The following KIAA1958 variants were observed in gnomAD, a reference collection of about 807,000 sequenced individuals.
KIAA1958 encodes uncharacterized protein KIAA1958.
Under a neutral mutation model 47.2 loss-of-function variants are expected in KIAA1958, and 14 were observed. That is an observed-to-expected ratio of 0.30 (90% confidence interval 0.20 to 0.46). The LOEUF is 0.46. KIAA1958 is among the 20% of genes least tolerant of loss of function. KIAA1958 has a pLI of 1.00. For synonymous variants in KIAA1958, 354 were observed against 353.3 expected (o/e 1.00, Z -0.02); for missense variants, 803 against 909.2 (o/e 0.88, Z 1.50).
At chr9:112,501,606 G>A (rs1834140313) in intron 1 of KIAA1958, among the ~76,000 whole-genome samples, 1 of 152,144 alleles carries the variant, frequency 6.6e-6, no homozygotes, top group Non-Finnish European at 1.5e-5. Context: ...ATAAAGAGGA[G>A]CCAACACCTT....
At chr9:112,515,890 A>T (rs1256045408) in intron 1 of KIAA1958, among the ~76,000 whole-genome samples, 1 of 36,430 alleles carries the variant, frequency 2.7e-5, no homozygotes, top group Non-Finnish European at 5.3e-5. Flanking sequence ...ATAAAAAAAT[A>T]AATTAAAAAA....
chr9:112,584,089 G>A (rs1185637750), intron 2 of KIAA1958, among the ~76,000 whole-genome samples: 1 of 151,970 alleles, frequency 6.6e-6, no homozygotes, highest in Non-Finnish European at 1.5e-5. Flanking sequence ...TGAGTGATGG[G>A]AACATGAGTT....
intron 1 of KIAA1958, among the ~76,000 whole-genome samples, chr9:112,494,524 A>G (rs143291684): frequency 6.6e-6 from 1 of 151,424 alleles, no homozygotes; most frequent in African/African-American, 2.4e-5. Flanking sequence ...GCTGGAATGC[A>G]GTGGCACCAT....
intron 1 of KIAA1958, among the ~76,000 whole-genome samples, chr9:112,542,307 G>A (rs3849135): frequency 0.95 from 145,345 of 152,262 alleles, 69,443 homozygotes; most frequent in African/African-American, 0.99. Flanking sequence ...TAAACTTATG[G>A]AAATGTTCAT....
intron 1 of KIAA1958, among the ~76,000 whole-genome samples, chr9:112,537,522 T>A (rs1028051160): frequency 6.6e-6 from 1 of 152,224 alleles, no homozygotes; most frequent in African/African-American, 2.4e-5. Context: ...TCAAAAGATA[T>A]CTAATTGACC....
intron 2 of KIAA1958, among the ~76,000 whole-genome samples, chr9:112,599,668 C>G (rs1240910595): frequency 3.9e-5 from 6 of 152,162 alleles, no homozygotes; most frequent in Non-Finnish European, 8.8e-5. Context: ...ATGTAAATGT[C>G]ACATCTATAA....
intron 1 of KIAA1958, among the ~76,000 whole-genome samples, chr9:112,510,882 G>A (rs1173295113): frequency 1.3e-5 from 2 of 152,194 alleles, no homozygotes; most frequent in Admixed American, 1.3e-4. Flanking sequence ...GAAGCAAATT[G>A]TGTAACTATA....
At chr9:112,510,081 C>T (rs992827496) in intron 1 of KIAA1958, among the ~76,000 whole-genome samples, 1 of 152,118 alleles carries the variant, frequency 6.6e-6, no homozygotes, top group Non-Finnish European at 1.5e-5. Context: ...AAGATCTTTG[C>T]ACAAGATCCT....
chr9:112,535,811 A>T (rs1001757639), intron 1 of KIAA1958, among the ~76,000 whole-genome samples: 4 of 151,714 alleles, frequency 2.6e-5, no homozygotes, highest in Non-Finnish European at 5.9e-5. Context: ...AGTGGTTTTA[A>T]TTTGCACTTT....
chr9:112,506,954 C>T (rs1405554434), intron 1 of KIAA1958, among the ~76,000 whole-genome samples: 1 of 152,080 alleles, frequency 6.6e-6, no homozygotes, highest in Non-Finnish European at 1.5e-5. Flanking sequence ...GCTATTGTAG[C>T]AATTGTGGTA....
intron 2 of KIAA1958, among the ~76,000 whole-genome samples, chr9:112,606,404 T>A (rs1352314713): frequency 6.6e-6 from 1 of 152,230 alleles, no homozygotes; most frequent in Admixed American, 6.5e-5. Flanking sequence ...ATATTTGTAG[T>A]TGCCATTCAG....
chr9:112,528,877 A>G (rs1400068076), intron 1 of KIAA1958, among the ~76,000 whole-genome samples: 1 of 152,182 alleles, frequency 6.6e-6, no homozygotes. Context: ...TATGGTAAAG[A>G]TATAATCAGT....
At chr9:112,641,664 A>G (rs543619231) in intron 2 of KIAA1958, among the ~76,000 whole-genome samples, 1 of 151,798 alleles carries the variant, frequency 6.6e-6, no homozygotes, top group South Asian at 2.1e-4. Context: ...AGTCTCCTGG[A>G]TCTGTCTTTC....
intron 1 of KIAA1958, among the ~76,000 whole-genome samples, chr9:112,509,604 A>G (rs181964483): frequency 1.2e-3 from 181 of 152,332 alleles, no homozygotes; most frequent in African/African-American, 4.2e-3. Context: ...TAAGTAAGGT[A>G]AGGCAAAAAG....
intron 2 of KIAA1958, among the ~76,000 whole-genome samples, chr9:112,590,438 C>G (rs1053638494): frequency 1.3e-5 from 2 of 151,632 alleles, no homozygotes; most frequent in Non-Finnish European, 2.9e-5. Context: ...TGCAACCTCC[C>G]CCTCCCGGGT....
chr9:112,535,418 CT>C (rs149375015), intron 1 of KIAA1958, among the ~76,000 whole-genome samples: 12 of 151,770 alleles, frequency 7.9e-5, no homozygotes, highest in African/African-American at 2.9e-4. Context: ...GATAGGATTT[CT>C]TTTTTTTAAG....
At chr9:112,641,891 A>G (rs1836896577) in intron 2 of KIAA1958, among the ~76,000 whole-genome samples, 1 of 151,662 alleles carries the variant, frequency 6.6e-6, no homozygotes, top group Admixed American at 6.6e-5. Context: ...TATTTTAAGG[A>G]TGTTATCCTC....
intron 1 of KIAA1958, among the ~76,000 whole-genome samples, chr9:112,550,384 T>C (rs1180636629): frequency 6.6e-6 from 1 of 152,130 alleles, no homozygotes; most frequent in Non-Finnish European, 1.5e-5. Flanking sequence ...CCCTACAGAT[T>C]CTGTTACTGA....
chr9:112,599,536 G>A (rs1476281556), intron 2 of KIAA1958, among the ~76,000 whole-genome samples: 1 of 152,118 alleles, frequency 6.6e-6, no homozygotes, highest in Non-Finnish European at 1.5e-5. Flanking sequence ...ACATGTATAG[G>A]TTGTTGAGAT....
Sources: gnomAD v4.1 joint callset for allele counts (sites outside exome capture counted in the v4.1 genomes callset) on GRCh38, gnomAD v4.1.1 for gene constraint, MANE v1.5 for transcripts, NCBI Gene and HGNC (gene_info 2026-07-23, HGNC 2026-07-21) for gene names.